Variants in ZNF423 observed in about 807,000 individuals in gnomAD.
The protein encoded by ZNF423 is zinc finger protein 423, also known as Ebf-associated zinc finger protein.
ZNF423 carries 12 observed loss-of-function variants against 95.8 expected under a neutral mutation model. The ratio of observed to expected loss-of-function variants is 0.13; its 90% CI spans 0.08 to 0.20. The LOEUF (loss-of-function observed/expected upper bound fraction) is 0.20, where lower values mean the gene tolerates loss of function less well. Ranked by LOEUF, ZNF423 falls within the 10% of genes least tolerant of loss-of-function variation. The probability of loss-of-function intolerance (pLI) is 1.00; values close to 1 mark genes in which losing one functional copy is unlikely to be tolerated. For missense variants in ZNF423, 1,316 were observed against 1,737.1 expected (o/e 0.76, Z 4.31); for synonymous variants, 749 against 711.9 (o/e 1.05, Z -0.83).
intron 3 of ZNF423, among the ~76,000 whole-genome samples, chr16:49,707,470 A>G (rs1052447589): frequency 2.6e-5 from 4 of 152,090 alleles, no homozygotes; most frequent in Non-Finnish European, 5.9e-5. Context: ...TAAAAAAAAT[A>G]GCCAGGTATG....
intron 1 of ZNF423, among the ~76,000 whole-genome samples, chr16:49,852,662 C>T (rs573069147): frequency 3.1e-4 from 47 of 152,126 alleles, no homozygotes; most frequent in African/African-American, 1.1e-3. Context: ...GAGGGAAAAT[C>T]GGTCAGAAAA....
rs1274323041 is a variant in ZNF423 at position 49,509,990 on chromosome 16, T to C, written c.3849+13634A>G. ...TTGGTGGTGGTGCTACCATCGTCCT[T>C]CACCTTGCCTCTTACCACCAGGGTT... On this transcript the variant is annotated intron_variant, in intron 7 of 7. Coordinates refer to ENST00000563137, the MANE Select transcript of ZNF423 (RefSeq NM_001379286.1). 3.3e-5 allele frequency among the ~76,000 whole-genome samples: 5 copies of C among 152,226 alleles called. No homozygotes were observed. The East Asian group carries it at 9.6e-4, about 29-fold the overall frequency.
intron 5 of ZNF423, among the ~76,000 whole-genome samples, chr16:49,554,470 C>A (rs1475008858): frequency 6.6e-6 from 1 of 152,078 alleles, no homozygotes; most frequent in African/African-American, 2.4e-5. Context: ...CCAGTCTAAA[C>A]CATTTCAACA....
chr16:49,613,503 G>T (rs957095848), intron 5 of ZNF423, among the ~76,000 whole-genome samples: 4 of 152,222 alleles, frequency 2.6e-5, no homozygotes, highest in Non-Finnish European at 5.9e-5. Flanking sequence ...CACCAGATGG[G>T]CAACATAGTG....
intron 1 of ZNF423, among the ~76,000 whole-genome samples, chr16:49,801,820 A>G (rs1336280099): frequency 1.3e-5 from 2 of 152,184 alleles, no homozygotes; most frequent in Non-Finnish European, 2.9e-5. Context: ...GTCAAAAGTC[A>G]TGGAGCTAGG....
At chr16:49,770,950 G>A (rs936504048) in intron 2 of ZNF423, among the ~76,000 whole-genome samples, 3 of 152,100 alleles carry the variant, frequency 2.0e-5, no homozygotes, top group Non-Finnish European at 4.4e-5. Flanking sequence ...TCCCTCCCTC[G>A]CACCAGAGCT....
At chr16:49,554,816 T>C (rs1012956316) in intron 5 of ZNF423, among the ~76,000 whole-genome samples, 3 of 152,260 alleles carry the variant, frequency 2.0e-5, no homozygotes, top group African/African-American at 7.2e-5. Flanking sequence ...GATTTTGGTC[T>C]GTTTCCCTCT....
intron 2 of ZNF423, among the ~76,000 whole-genome samples, chr16:49,742,263 C>T (rs1359803254): frequency 6.6e-6 from 1 of 152,078 alleles, no homozygotes; most frequent in African/African-American, 2.4e-5. Context: ...CCCAACCTCA[C>T]AGACACTTGC....
intron 5 of ZNF423, among the ~76,000 whole-genome samples, chr16:49,582,443 A>G (rs1360662689): frequency 6.6e-6 from 1 of 152,282 alleles, no homozygotes; most frequent in Admixed American, 6.5e-5. Context: ...TAAATAAGTT[A>G]CGGTGCAGCC....
At chr16:49,552,375 C>T (rs987863629) in intron 5 of ZNF423, among the ~76,000 whole-genome samples, 2 of 152,140 alleles carry the variant, frequency 1.3e-5, no homozygotes, top group Non-Finnish European at 2.9e-5. Flanking sequence ...CAATTTTAGG[C>T]CCCTACAAAT....
upstream of ZNF423, among the ~76,000 whole-genome samples, chr16:49,856,875 G>A (rs957290129): frequency 6.8e-6 from 1 of 147,312 alleles, no homozygotes; most frequent in Non-Finnish European, 1.5e-5. Flanking sequence ...GGCTCGGAGA[G>A]GGGGGAGGCG....
chr16:49,832,774 T>C (rs560991232), intron 1 of ZNF423, among the ~76,000 whole-genome samples: 5 of 151,900 alleles, frequency 3.3e-5, no homozygotes, highest in South Asian at 2.1e-4. Flanking sequence ...TGGACTGTGA[T>C]GGACAGAAGA....
chr16:49,625,439 G>A (rs1003612895), intron 5 of ZNF423, among the ~76,000 whole-genome samples: 1 of 152,214 alleles, frequency 6.6e-6, no homozygotes, highest in Non-Finnish European at 1.5e-5. Flanking sequence ...GTGATCACAT[G>A]TCCAACAAAG....
At chr16:49,572,089 A>G (rs577087354) in intron 5 of ZNF423, among the ~76,000 whole-genome samples, 48 of 152,330 alleles carry the variant, frequency 3.2e-4, no homozygotes, top group African/African-American at 1.2e-3. Flanking sequence ...TCTTAGACAC[A>G]TGTAACTAAG....
intron 2 of ZNF423, among the ~76,000 whole-genome samples, chr16:49,756,272 T>A (rs1384244246): frequency 6.6e-6 from 1 of 152,218 alleles, no homozygotes; most frequent in African/African-American, 2.4e-5. Flanking sequence ...TAAGAGGCTC[T>A]AAGTGTGTGG....
At chr16:49,548,203 A>G (rs1286545148) in intron 5 of ZNF423, among the ~76,000 whole-genome samples, 1 of 152,180 alleles carries the variant, frequency 6.6e-6, no homozygotes, top group Non-Finnish European at 1.5e-5. Flanking sequence ...AGCATTCTTC[A>G]GAATTTTTTT....
At chr16:49,653,179 C>T (rs373038509) in intron 3 of ZNF423, among the ~76,000 whole-genome samples, 91 of 152,148 alleles carry the variant, frequency 6.0e-4, no homozygotes, top group African/African-American at 1.2e-3. Flanking sequence ...ACTCTGGAGG[C>T]GTCCCCTGCT....
chr16:49,637,802 C>A lies in ZNF423; in HGVS notation c.1374G>T (p.Met458Ile). The A allele has an allele frequency of 6.2e-7, 1 of 1,614,098 alleles. No homozygotes were observed. ...GCTCGTTGAGGTTGTAGAGGGTGGG[C>A]ATGGAGTCCAGGCAGATCTGACATG... ...SHTCQICLDS[M>I]PTLYNLNEHV... The change falls in exon 4 of 8, where the codon ATG becomes ATT. Residue 458 changes from methionine to isoleucine, a missense_variant. Transcript: ENST00000563137. The surrounding 1 kb of genome is among the most constrained non-coding windows in gnomAD (Gnocchi z 5.6).
At chr16:49,854,531 G>C in intron 1 of ZNF423, 1 of 985,458 alleles carries the variant, frequency 1.0e-6, no homozygotes, top group Non-Finnish European at 1.2e-6. Flanking sequence ...CAGGGGAGAT[G>C]GGAGAAGACA....
Sources: gnomAD v4.1 joint callset for allele counts (sites outside exome capture counted in the v4.1 genomes callset) on GRCh38, gnomAD v4.1.1 for gene constraint, Gnocchi (gnomAD v3.1) non-coding constraint, MANE v1.5 for transcripts, NCBI Gene and HGNC (gene_info 2026-07-23, HGNC 2026-07-21) for gene names.